Variants in DNAH9 observed in about 807,000 individuals in gnomAD.
DNAH9 encodes DNAH9 variant protein.
In DNAH9, 345 loss-of-function variants were observed where a neutral mutation model predicts 471.6. The observed-to-expected ratio is 0.73, with a 90% CI of 0.67 to 0.80. The LOEUF (loss-of-function observed/expected upper bound fraction) is 0.80. Among genes scored for constraint, DNAH9 ranks in the 30% least tolerant of loss-of-function variants. The pLI, the probability that DNAH9 is intolerant of heterozygous loss-of-function variation, is 0.00. For missense variants in DNAH9, 5,407 were observed against 5,609.2 expected (o/e 0.96, Z 1.15); for synonymous variants, 2,093 against 2,123.6 (o/e 0.99, Z 0.40).
intron 61 of DNAH9, among the ~76,000 whole-genome samples, chr17:11,907,890 A>G (rs541668460): frequency 1.3e-5 from 2 of 152,302 alleles, no homozygotes; most frequent in East Asian, 3.9e-4. Context: ...ATTACTTCTC[A>G]TTTCCTAGTA....
At position 11,937,500 on chromosome 17, in the gene DNAH9, C is replaced by A; in HGVS notation, c.12638C>A (p.Ala4213Glu). 1 of 1,612,572 alleles carries A rather than the reference C, an allele frequency of 6.2e-7. No homozygotes were observed. Among genetic ancestry groups the A allele is most frequent in the Non-Finnish European group, 8.5e-7 (1 of 1,179,020 alleles). ...QPRDSQARDG[A>E]GATREEKVKA... ...CGGGACAGCCAGGCCAGAGACGGAG[C>A]GGGCGCCACAAGAGAAGAAAAGGTG... Residue 4213 changes from alanine to glutamate, a missense_variant, in exon 66 of 69, where the codon GCG becomes GAG. Coordinates refer to ENST00000262442, the MANE Select transcript of DNAH9 (RefSeq NM_001372.4). The surrounding 1 kb of genome is among the most constrained non-coding windows in gnomAD (Gnocchi z 4.1).
chr17:11,729,508 C>T lies in DNAH9; in HGVS notation c.5814+1586C>T, dbSNP rs533971604. ...TTGCTTTTATTTCCAAAGCAGTATGCGCACAGTACAGAAAAAGGAAAAATG... is the reference window on the plus strand; with the variant it reads ...TTGCTTTTATTTCCAAAGCAGTATGTGCACAGTACAGAAAAAGGAAAAATG... On this transcript the variant is annotated intron_variant, in intron 28 of 68. Transcript: ENST00000262442. Among the ~76,000 whole-genome samples the T allele has an allele frequency of 7.9e-5, 12 of 152,228 alleles. No homozygotes were observed. In the South Asian group the frequency reaches 1.2e-3, roughly 16 times the overall value.
intron 1 of DNAH9, among the ~76,000 whole-genome samples, chr17:11,605,968 C>CT (rs1296289960): frequency 3.3e-5 from 5 of 151,834 alleles, no homozygotes; most frequent in African/African-American, 1.2e-4. Flanking sequence ...GGAGAGAACT[C>CT]TGACTATATA....
intron 59 of DNAH9, among the ~76,000 whole-genome samples, chr17:11,895,324 C>G (rs987644385): frequency 2.0e-5 from 3 of 152,204 alleles, no homozygotes. Flanking sequence ...AGTGAACACC[C>G]ATGACGGGTT....
At chr17:11,699,327 A>T (rs551967456) in intron 22 of DNAH9, among the ~76,000 whole-genome samples, 1 of 152,272 alleles carries the variant, frequency 6.6e-6, no homozygotes, top group Admixed American at 6.5e-5. Context: ...CACCAGATTC[A>T]ATGTATGTTA....
chr17:11,718,677 A>G (rs2150800577), intron 26 of DNAH9, among the ~76,000 whole-genome samples: 2 of 152,334 alleles, frequency 1.3e-5, no homozygotes, highest in South Asian at 4.1e-4. Flanking sequence ...GAGGGCCTGT[A>G]TGTGCCTAGA....
At chr17:11,668,820 A>T (rs961214530) in intron 15 of DNAH9, among the ~76,000 whole-genome samples, 11 of 152,136 alleles carry the variant, frequency 7.2e-5, no homozygotes, top group Admixed American at 6.5e-5. Flanking sequence ...ATCCTGCAGT[A>T]CCCAGGAGAG....
intron 35 of DNAH9, among the ~76,000 whole-genome samples, chr17:11,761,799 G>A (rs1383936558): frequency 1.3e-5 from 2 of 152,108 alleles, no homozygotes; most frequent in East Asian, 1.9e-4. Flanking sequence ...CTGTGCAGGA[G>A]GGGACACTCA....
intron 52 of DNAH9, among the ~76,000 whole-genome samples, chr17:11,874,043 G>A (rs559089410): frequency 2.0e-3 from 304 of 152,074 alleles, no homozygotes; most frequent in Admixed American, 4.0e-3. Context: ...TCAGGAGTTC[G>A]AGACCAGCCT....
In DNAH9 at chr17:11,726,931, G is replaced by A. The variant is rs371697859; in HGVS notation, c.5710-887G>A. Among the ~76,000 whole-genome samples, 456 of 151,306 alleles carry A rather than the reference G, an allele frequency of 3.0e-3. 2 individuals carry two copies. Among genetic ancestry groups the A allele is most frequent in the African/African-American group, 9.9e-3 (409 of 41,294 alleles). On this transcript the variant is annotated intron_variant, in intron 27 of 68. Transcript: ENST00000262442. The stretch of plus-strand genomic sequence containing the variant: ...GGCATGGTGGTGCACGCCTGTAATC[G>A]CAGCTACTCGGGAGGCTGAGGCAGG...
At position 11,881,446 on chromosome 17, in the gene DNAH9, T is replaced by C. The variant is rs771564419; in HGVS notation, c.10806+33T>C. 4 of 1,595,688 alleles carry C rather than the reference T, an allele frequency of 2.5e-6. No homozygotes were observed. In the East Asian group the frequency reaches 6.7e-5, roughly 27 times the overall value. ...CAGAAGGGAGAAAATGTTCTGCCACTAGAGCCTGCAGTGTACTCCACTCTG... is the reference window on the plus strand; with the variant it reads ...CAGAAGGGAGAAAATGTTCTGCCACCAGAGCCTGCAGTGTACTCCACTCTG... On this transcript the variant is annotated intron_variant, in intron 55 of 68. Coordinates refer to ENST00000262442, the MANE Select transcript of DNAH9 (RefSeq NM_001372.4).
chr17:11,758,807 G>A (rs780054034), intron 35 of DNAH9, among the ~76,000 whole-genome samples: 53 of 152,202 alleles, frequency 3.5e-4, no homozygotes, highest in Non-Finnish European at 5.6e-4. Context: ...GTCTATTTTC[G>A]TTGTTTAATG....
intron 5 of DNAH9, among the ~76,000 whole-genome samples, chr17:11,618,836 G>A (rs1005026518): frequency 6.6e-6 from 1 of 152,134 alleles, no homozygotes; most frequent in African/African-American, 2.4e-5. Context: ...GTGGGCTACT[G>A]TTCAAGGAGG....
chr17:11,783,844 CA>C (rs1968758518), intron 40 of DNAH9, 96 bp downstream of exon 40: 5 of 950,348 alleles, frequency 5.3e-6, no homozygotes, highest in Non-Finnish European at 8.1e-6. Context: ...TTTCCCCATG[CA>C]GCCTCTCAGA....
chr17:11,775,938 C>T (rs561747940), intron 38 of DNAH9, among the ~76,000 whole-genome samples: 3 of 152,258 alleles, frequency 2.0e-5, no homozygotes, highest in African/African-American at 7.2e-5. Context: ...ATAATACCTG[C>T]ATTTCTCCTC....
chr17:11,822,144 T>G, intron 46 of DNAH9, 82 bp downstream of exon 46: 1 of 1,487,086 alleles, frequency 6.7e-7, no homozygotes, highest in East Asian at 2.3e-5. Flanking sequence ...GGCACAACTG[T>G]CCTTATTGAT....
intron 43 of DNAH9, among the ~76,000 whole-genome samples, chr17:11,798,561 A>C: frequency 6.6e-6 from 1 of 152,196 alleles, no homozygotes; most frequent in African/African-American, 2.4e-5. Flanking sequence ...AATCACTGAA[A>C]GTAATAACCA....
chr17:11,933,780 C>A, intron 64 of DNAH9, 100 bp from the exon 65 acceptor site: 1 of 1,049,562 alleles, frequency 9.5e-7, no homozygotes, highest in Non-Finnish European at 1.4e-6. Flanking sequence ...AAGAAGCGTC[C>A]CTCTCTTGTG....
Position 11,784,460 on chromosome 17 carries a change from A to G in DNAH9, c.7982A>G (p.Lys2661Arg). Residue 2661 changes from lysine (K) to arginine (R), a missense_variant, in exon 41 of 69, where the codon AAA (lysine) becomes AGA (arginine). Coordinates refer to ENST00000262442, the MANE Select transcript of DNAH9 (RefSeq NM_001372.4). ...GATCTGGCCCTCGCCTTCCACCAGA[A>G]AATTGCTACCACCTTCCTACCCACA... ...LIDLALAFHQ[K>R]IATTFLPTGI... is the part of the protein sequence containing the mutation. 1 of 1,614,188 alleles carries G rather than the reference A, an allele frequency of 6.2e-7. No individual in the cohort carries two copies. The highest frequency in any genetic ancestry group is 8.5e-7 in the Non-Finnish European group (1 of 1,180,042).
Sources: allele counts gnomAD v4.1 joint callset (sites outside exome capture counted in the v4.1 genomes callset), GRCh38; gene constraint gnomAD v4.1.1; non-coding constraint Gnocchi (gnomAD v3.1); transcripts MANE v1.5; gene names NCBI Gene and HGNC (gene_info 2026-07-23, HGNC 2026-07-21).